PTGFRN: variants seen among roughly 807,000 people sequenced by gnomAD.
PTGFRN encodes the protein prostaglandin F2 receptor inhibitor, also known as prostaglandin F2 receptor negative regulator.
Under a neutral mutation model 83.2 loss-of-function variants are expected in PTGFRN, and 35 were observed. The ratio of observed to expected loss-of-function variants is 0.42; its 90% CI spans 0.32 to 0.56. PTGFRN has a LOEUF of 0.56. Ranked by LOEUF, PTGFRN falls within the 20% of genes least tolerant of loss-of-function variation. The pLI is 0.11. For synonymous variants in PTGFRN, 519 were observed against 498.6 expected (o/e 1.04, Z -0.55); for missense variants, 1,051 against 1,179.5 (o/e 0.89, Z 1.60).
intron 1 of PTGFRN, among the ~76,000 whole-genome samples, chr1:116,922,040 C>A (rs980077937): frequency 1.3e-5 from 2 of 151,994 alleles, no homozygotes; most frequent in African/African-American, 4.8e-5. Flanking sequence ...CCTTAGGGGA[C>A]GTGGATATTA....
rs376114783 is a variant in PTGFRN at position 116,986,960 on chromosome 1, T to C, written c.2633T>C (p.Met878Thr). 5 of 1,614,034 alleles carry C rather than the reference T, an allele frequency of 3.1e-6. No individual in the cohort carries two copies. Among genetic ancestry groups the C allele is most frequent in the Non-Finnish European group, 4.2e-6 (5 of 1,180,016 alleles). The stretch of plus-strand genomic sequence containing the variant: ...CGCCGCAGGCTCATGTCGATGGAGA[T>C]GGACTAGGCTGGCCCGGGAGGGGAG... ...RERRRLMSME[M>T]D is the part of the protein sequence containing the mutation. The change falls in exon 9 of 9, where the codon ATG becomes ACG. Residue 878 changes from methionine (M) to threonine (T), a missense_variant. Met to Thr is a moderately conservative substitution (Grantham distance 81). This residue lies in a region of PTGFRN where 719 missense variants were observed against 836.6 expected (regional missense o/e 0.86). Coordinates refer to ENST00000393203, the MANE Select transcript of PTGFRN (RefSeq NM_020440.4).
At chr1:116,924,216 C>T (rs1189185773) in intron 1 of PTGFRN, among the ~76,000 whole-genome samples, 6 of 146,976 alleles carry the variant, frequency 4.1e-5, no homozygotes, top group African/African-American at 1.0e-4. Context: ...GGCACAGTCT[C>T]GGCTCATTGC....
chr1:116,971,614 G>C (rs1356656333), intron 6 of PTGFRN, among the ~76,000 whole-genome samples: 3 of 152,160 alleles, frequency 2.0e-5, no homozygotes, highest in Admixed American at 1.3e-4. Flanking sequence ...TTAACAGTGA[G>C]CTGCTGATTT....
In PTGFRN at chr1:116,986,918, A is replaced by G; in HGVS notation, c.2591A>G (p.Gln864Arg). 3 of 1,614,236 alleles carry G rather than the reference A, an allele frequency of 1.9e-6. No homozygotes were observed. Among genetic ancestry groups the G allele is most frequent in the Non-Finnish European group, 2.5e-6 (3 of 1,180,032 alleles). The part of the protein sequence containing the change: ...SSHWCCKKEV[Q>R]ETRRERRRLM... ...CACTGGTGTTGTAAGAAGGAGGTTCAGGAGACACGGCGCGAGCGCCGCAGG... is the reference window on the plus strand; with the variant it reads ...CACTGGTGTTGTAAGAAGGAGGTTCGGGAGACACGGCGCGAGCGCCGCAGG... The change falls in exon 9 of 9, where the codon CAG becomes CGG. Residue 864 changes from glutamine to arginine, a missense_variant. Gln to Arg is a conservative substitution (Grantham distance 43). Transcript: ENST00000393203.
intron 1 of PTGFRN, among the ~76,000 whole-genome samples, chr1:116,931,054 T>G (rs1436860910): frequency 2.6e-5 from 4 of 152,192 alleles, no homozygotes; most frequent in African/African-American, 9.7e-5. Flanking sequence ...ATATCCTTCC[T>G]TATACAGGTT....
chr1:116,941,490 G>T lies in PTGFRN; in HGVS notation c.50-225G>T, dbSNP rs937041329. ...TTTAATGCTTATCTTCCTCCCTGTT[G>T]GTCCTGGGAAACTGGTTGTGTGAGA... On this transcript the variant is annotated intron_variant, in intron 1 of 8. Coordinates refer to ENST00000393203, the MANE Select transcript of PTGFRN (RefSeq NM_020440.4). This position sits in a 1 kb window ranked among gnomAD's most constrained non-coding sequence, Gnocchi z 5.0. Among the ~76,000 whole-genome samples the T allele has an allele frequency of 6.6e-6, 1 of 152,172 alleles. No individual in the cohort carries two copies. Among genetic ancestry groups the T allele is most frequent in the Non-Finnish European group, 1.5e-5 (1 of 68,032 alleles).
intron 6 of PTGFRN, 29 bp downstream of exon 6, chr1:116,967,359 G>T (rs12410651): frequency 1.9e-6 from 3 of 1,588,754 alleles, no homozygotes; most frequent in Non-Finnish European, 2.6e-6. Flanking sequence ...TGAATCATAG[G>T]TGGAGCTAGA....
At chr1:116,986,090 G>A (rs758900338) in intron 8 of PTGFRN, among the ~76,000 whole-genome samples, 4 of 152,136 alleles carry the variant, frequency 2.6e-5, no homozygotes, top group Non-Finnish European at 4.4e-5. Flanking sequence ...ATTTTCTCTC[G>A]TAAAATGGGA....
At chr1:116,915,777 G>A (rs1207614661) in intron 1 of PTGFRN, among the ~76,000 whole-genome samples, 2 of 152,236 alleles carry the variant, frequency 1.3e-5, no homozygotes, top group African/African-American at 2.4e-5. Context: ...AATGAAGTTG[G>A]AAGGATGCTG....
chr1:116,953,170 A>C (rs1477508235), intron 4 of PTGFRN, among the ~76,000 whole-genome samples: 2 of 152,202 alleles, frequency 1.3e-5, no homozygotes, highest in Non-Finnish European at 2.9e-5. Context: ...TCTGCTGTTC[A>C]GTCTTAAGAA....
rs557021894 is a variant in PTGFRN at position 116,962,018 on chromosome 1, C to T, written c.1639+350C>T. On this transcript the variant is annotated intron_variant, in intron 5 of 8. Transcript: ENST00000393203. ...CGTTACCTCTCTGAGGACAGTTTCC[C>T]CCAGAGCCCAACTAAGTGATGCCCA... Among the ~76,000 whole-genome samples the T allele has an allele frequency of 3.3e-5, 5 of 152,296 alleles. No homozygotes were observed. In the South Asian group the frequency reaches 1.0e-3, roughly 32 times the overall value.
Position 116,909,962 on chromosome 1 carries a change from G to GGGGCCGGCTCCCGGGCC in PTGFRN, c.-241_-225dup. On this transcript the variant is annotated 5_prime_UTR_variant, in exon 1 of 9. Transcript: ENST00000393203. ...GTCGGGGCTGCACACTCGGATCGGC[G>GGGGCCGGCTCCCGGGCC]GGGCCGGCTCCCGGGCCCGGCCGGC... The GGGGCCGGCTCCCGGGCC allele has an allele frequency of 1.8e-6, 1 of 569,464 alleles. No individual in the cohort carries two copies. The highest frequency in any genetic ancestry group is 3.1e-6 in the Non-Finnish European group (1 of 322,442). The allele number at this position is 569,464 out of a possible 1,614,324, so 35.3% of individuals were successfully genotyped here. A position where few individuals can be genotyped will look rare whatever the true frequency, so the allele number is the denominator to read the frequency against.
At position 116,942,084 on chromosome 1, in the gene PTGFRN, G is replaced by T; in HGVS notation, c.418+1G>T. On this transcript the variant is annotated splice_donor_variant, in intron 2 of 8. Coordinates refer to ENST00000393203, the MANE Select transcript of PTGFRN (RefSeq NM_020440.4). LOFTEE classifies it high-confidence loss of function. ...TATGAGGACACAGTGCAGGTTAAAGGTACAGTCCTCACATGGGCTTGTTAT... is the reference window on the plus strand; with the variant it reads ...TATGAGGACACAGTGCAGGTTAAAGTTACAGTCCTCACATGGGCTTGTTAT... 1 of 1,608,278 alleles carries T rather than the reference G, an allele frequency of 6.2e-7. No individual in the cohort carries two copies. Among genetic ancestry groups the T allele is most frequent in the Non-Finnish European group, 8.5e-7 (1 of 1,175,740 alleles).
chr1:116,985,313 A>G (rs1035792889), intron 8 of PTGFRN, among the ~76,000 whole-genome samples: 1 of 152,214 alleles, frequency 6.6e-6, no homozygotes, highest in Non-Finnish European at 1.5e-5. Flanking sequence ...AGGCACAGGC[A>G]GAGAGCAGCC....
At chr1:116,910,516 G>T (rs1235351493) in intron 1 of PTGFRN, among the ~76,000 whole-genome samples, 2 of 151,842 alleles carry the variant, frequency 1.3e-5, no homozygotes, top group Admixed American at 1.3e-4. Flanking sequence ...AACATGTGCC[G>T]GGGGGAGTGG....
At chr1:116,967,803 T>G (rs914911432) in intron 6 of PTGFRN, among the ~76,000 whole-genome samples, 2 of 152,248 alleles carry the variant, frequency 1.3e-5, no homozygotes, top group African/African-American at 4.8e-5. Flanking sequence ...CGTATGGATA[T>G]CCCACATTGT....
chr1:116,937,879 A>T (rs1278919534), intron 1 of PTGFRN, among the ~76,000 whole-genome samples: 1 of 152,186 alleles, frequency 6.6e-6, no homozygotes, highest in Non-Finnish European at 1.5e-5. Flanking sequence ...TGAGTGCTGT[A>T]AGTACATTTC....
At chr1:116,986,458 A>T (rs993572334) in intron 8 of PTGFRN, among the ~76,000 whole-genome samples, 1 of 152,180 alleles carries the variant, frequency 6.6e-6, no homozygotes, top group African/African-American at 2.4e-5. Context: ...TTTTTTAAGG[A>T]TGCATCTGCT....
chr1:116,950,361 G>T (rs1433528087), intron 4 of PTGFRN, among the ~76,000 whole-genome samples: 1 of 152,178 alleles, frequency 6.6e-6, no homozygotes, highest in Non-Finnish European at 1.5e-5. Context: ...GGTCAAGCTG[G>T]GTGTGGAAAG....
Sources: gnomAD v4.1 joint callset for allele counts (sites outside exome capture counted in the v4.1 genomes callset) on GRCh38, gnomAD v4.1.1 for gene constraint, gnomAD v4.1.1 regional missense constraint, Gnocchi (gnomAD v3.1) non-coding constraint, MANE v1.5 for transcripts, NCBI Gene and HGNC (gene_info 2026-07-23, HGNC 2026-07-21) for gene names.